Variants in OR51B5 observed in about 807,000 individuals in gnomAD.
The protein encoded by OR51B5 is olfactory receptor 51B5.
For missense variants in OR51B5, 456 were observed against 374.6 expected, an observed-to-expected ratio of 1.22 and a Z score of -1.79; for synonymous variants, 186 against 144.8, an observed-to-expected ratio of 1.28 and a Z score of -2.04.
chr11:5,374,668 G>C (rs1055741143), intron 1 of OR51B5, among the ~76,000 whole-genome samples: 20 of 152,204 alleles, frequency 1.3e-4, no homozygotes, highest in African/African-American at 4.1e-4. Flanking sequence ...GCCAAGGCTC[G>C]AGAATGACGT....
At chr11:5,378,736 G>C (rs1389094841) in intron 1 of OR51B5, among the ~76,000 whole-genome samples, 2 of 152,070 alleles carry the variant, frequency 1.3e-5, no homozygotes, top group African/African-American at 4.8e-5. Flanking sequence ...GGCCATCAGA[G>C]AAATGCAAAT....
chr11:5,343,274 C>T lies in OR51B5; in HGVS notation c.251G>A (p.Trp84Ter), dbSNP rs1469189988. Reference sequence around the variant, plus strand: ...ACTTCCAATCTCCCTGTGATCCAGCCAGAGGACTCCCAGCACCGTGGGCAT... The same window carrying T: ...ACTTCCAATCTCCCTGTGATCCAGCTAGAGGACTCCCAGCACCGTGGGCAT... Residue 84 changes from tryptophan to a stop codon, truncating the protein, a stop_gained, in exon 1 of 1, where the codon TGG becomes TAG. Coordinates refer to ENST00000300773, the Ensembl canonical transcript of OR51B5. LOFTEE classifies it low-confidence loss of function (END_TRUNC). 2 of 1,612,794 alleles carry T rather than the reference C, an allele frequency of 1.2e-6. No individual in the cohort carries two copies. Among genetic ancestry groups the T allele is most frequent in the Non-Finnish European group, 1.7e-6 (2 of 1,179,390 alleles).
chr11:5,410,476 A>G (rs1850130237), intron 1 of OR51B5, among the ~76,000 whole-genome samples: 1 of 152,180 alleles, frequency 6.6e-6, no homozygotes, highest in African/African-American at 2.4e-5. Flanking sequence ...GTTTCACATA[A>G]TGACTTTTCA....
At chr11:5,458,018 T>C (rs1850986737) in intron 1 of OR51B5, among the ~76,000 whole-genome samples, 1 of 152,238 alleles carries the variant, frequency 6.6e-6, no homozygotes, top group African/African-American at 2.4e-5. Flanking sequence ...TTTGGAGATT[T>C]CATCATGAAA....
chr11:5,450,124 C>T (rs531953331), intron 1 of OR51B5, among the ~76,000 whole-genome samples: 1 of 152,046 alleles, frequency 6.6e-6, no homozygotes, highest in South Asian at 2.1e-4. Flanking sequence ...CGTGGTGGCT[C>T]ATACCTGTAA....
At chr11:5,365,845 G>A (rs1849356738) in intron 1 of OR51B5, among the ~76,000 whole-genome samples, 1 of 152,156 alleles carries the variant, frequency 6.6e-6, no homozygotes, top group Non-Finnish European at 1.5e-5. Flanking sequence ...TTGATGACAG[G>A]ATGAAGTTTA....
At chr11:5,501,736 G>T (rs1243743818) in intron 1 of OR51B5, among the ~76,000 whole-genome samples, 2 of 148,158 alleles carry the variant, frequency 1.3e-5, no homozygotes, top group Non-Finnish European at 3.0e-5. Flanking sequence ...ATTTACCATT[G>T]TGTGATATTT....
At chr11:5,448,587 TG>T (rs1850803327) in intron 1 of OR51B5, among the ~76,000 whole-genome samples, 1 of 152,088 alleles carries the variant, frequency 6.6e-6, no homozygotes, top group Non-Finnish European at 1.5e-5. Context: ...TTAAACCAAG[TG>T]GAGAACAAGT....
At chr11:5,357,918 A>G (rs1443805632) in intron 1 of OR51B5, among the ~76,000 whole-genome samples, 1 of 152,134 alleles carries the variant, frequency 6.6e-6, no homozygotes, top group Non-Finnish European at 1.5e-5. Flanking sequence ...ATGAAGGCAG[A>G]AATAAAAATG....
At chr11:5,481,474 C>G (rs1851418949) in intron 1 of OR51B5, among the ~76,000 whole-genome samples, 1 of 133,470 alleles carries the variant, frequency 7.5e-6, no homozygotes, top group African/African-American at 3.0e-5. Flanking sequence ...TCTCTCACCA[C>G]TCCTATTCAA....
intron 1 of OR51B5, among the ~76,000 whole-genome samples, chr11:5,412,814 AC>A (rs1311892406): frequency 6.6e-6 from 1 of 152,008 alleles, no homozygotes; most frequent in Non-Finnish European, 1.5e-5. Context: ...GGAGCCCACC[AC>A]AGCTCAAGGA....
intron 1 of OR51B5, among the ~76,000 whole-genome samples, chr11:5,471,792 A>G (rs1851233703): frequency 1.3e-5 from 2 of 152,132 alleles, no homozygotes; most frequent in African/African-American, 4.8e-5. Flanking sequence ...TTTGCTACAT[A>G]CAAGCTGTGA....
At chr11:5,342,409 A>G (rs1487202221), downstream of OR51B5, 1 of 313,366 alleles carries the variant, frequency 3.2e-6, no homozygotes, top group Non-Finnish European at 4.6e-6. Flanking sequence ...ATTTGTACAA[A>G]CTACATTTAG....
At chr11:5,390,104 A>C (rs753479448) in intron 1 of OR51B5, 8 of 1,613,644 alleles carry the variant, frequency 5.0e-6, no homozygotes, top group South Asian at 1.1e-5. Context: ...CATCCTGCAC[A>C]CAGTAGCAGG....
intron 1 of OR51B5, among the ~76,000 whole-genome samples, chr11:5,418,734 G>A (rs541058520): frequency 6.6e-6 from 1 of 151,550 alleles, no homozygotes; most frequent in Non-Finnish European, 1.5e-5. Context: ...ATCGGGGGAT[G>A]GGGGGTTAGG....
At chr11:5,398,711 T>G (rs936751801) in intron 1 of OR51B5, among the ~76,000 whole-genome samples, 1 of 34,656 alleles carries the variant, frequency 2.9e-5, no homozygotes, top group South Asian at 9.7e-4. Flanking sequence ...CTCGTGATAC[T>G]GAGTGAGTTT....
chr11:5,349,347 T>G (rs1237946007), intron 1 of OR51B5, among the ~76,000 whole-genome samples: 8 of 152,270 alleles, frequency 5.3e-5, no homozygotes, highest in Non-Finnish European at 1.2e-4. Context: ...TCAACAATTA[T>G]TTGTTCCATA....
At chr11:5,451,355 G>A (rs779889801) in intron 1 of OR51B5, among the ~76,000 whole-genome samples, 2 of 151,998 alleles carry the variant, frequency 1.3e-5, no homozygotes, top group African/African-American at 4.8e-5. Flanking sequence ...CTTTTACATT[G>A]GCTTGGTTCT....
chr11:5,483,360 G>A (rs1851452997), intron 1 of OR51B5, among the ~76,000 whole-genome samples: 1 of 107,098 alleles, frequency 9.3e-6, no homozygotes, highest in Non-Finnish European at 1.8e-5. Context: ...ACTGTGATGG[G>A]GTGGGGGGAG....
Sources: allele counts gnomAD v4.1 joint callset (sites outside exome capture counted in the v4.1 genomes callset), GRCh38; gene constraint gnomAD v4.1.1; transcripts MANE v1.5; gene names NCBI Gene and HGNC (gene_info 2026-07-23, HGNC 2026-07-21).